The following MAPKAP1 variants were observed in gnomAD, a reference collection of about 807,000 sequenced individuals.
MAPKAP1 encodes MAPK associated protein 1.
A neutral mutation model predicts 65.7 loss-of-function variants in MAPKAP1; 20 were observed. The ratio of observed to expected loss-of-function variants is 0.30; its 90% CI spans 0.21 to 0.44. The LOEUF is 0.44. Among genes scored for constraint, MAPKAP1 ranks in the 20% least tolerant of loss-of-function variants. The pLI is 1.00. For synonymous variants in MAPKAP1, 222 were observed against 244.3 expected (o/e 0.91, Z 0.85); for missense variants, 423 against 648.0 (o/e 0.65, Z 3.77).
chr9:125,615,331 A>C lies in MAPKAP1; in HGVS notation c.499-29604T>G, dbSNP rs562499882. ...TGCCAATTCTCCCAAATTGATCTAC[A>C]AATTTAATCCAACTCTAATCAAAAT... On this transcript the variant is annotated intron_variant, in intron 4 of 11. Transcript: ENST00000265960. 1.1e-4 allele frequency among the ~76,000 whole-genome samples: 17 copies of C among 152,262 alleles called. No individual in the cohort carries two copies. The South Asian group carries it at 3.5e-3, about 32-fold the overall frequency.
intron 7 of MAPKAP1, among the ~76,000 whole-genome samples, chr9:125,542,563 C>T (rs1830285108): frequency 6.6e-6 from 1 of 152,054 alleles, no homozygotes; most frequent in Admixed American, 6.5e-5. Context: ...GTTATTAGTG[C>T]ACATCAAGTG....
At chr9:125,529,824 A>G (rs1829883877) in intron 7 of MAPKAP1, among the ~76,000 whole-genome samples, 1 of 152,160 alleles carries the variant, frequency 6.6e-6, no homozygotes, top group Non-Finnish European at 1.5e-5. Flanking sequence ...ATCCAATGCC[A>G]TTTTCCTGAT....
chr9:125,642,438 A>G (rs1435228727), intron 4 of MAPKAP1, among the ~76,000 whole-genome samples: 1 of 152,188 alleles, frequency 6.6e-6, no homozygotes, highest in East Asian at 1.9e-4. Flanking sequence ...CAGAGTATGG[A>G]CAAAGCTGAC....
At chr9:125,680,174 G>T (rs1485827821) in intron 1 of MAPKAP1, among the ~76,000 whole-genome samples, 1 of 151,622 alleles carries the variant, frequency 6.6e-6, no homozygotes, top group Non-Finnish European at 1.5e-5. Context: ...TCCTGTACAG[G>T]AGTCCTTAAA....
intron 10 of MAPKAP1, among the ~76,000 whole-genome samples, chr9:125,465,772 A>G (rs1473061351): frequency 6.6e-6 from 1 of 152,230 alleles, no homozygotes; most frequent in East Asian, 1.9e-4. Flanking sequence ...ACAAAGGGGT[A>G]TTCCTAGAGG....
At chr9:125,667,438 GCCT>G (rs1834372003) in intron 3 of MAPKAP1, among the ~76,000 whole-genome samples, 1 of 152,080 alleles carries the variant, frequency 6.6e-6, no homozygotes, top group Non-Finnish European at 1.5e-5. Flanking sequence ...TCATGCCTCC[GCCT>G]CCTGAGTAGC....
intron 5 of MAPKAP1, chr9:125,567,521 T>C (rs1831096326): frequency 2.0e-5 from 3 of 152,244 alleles, no homozygotes; most frequent in Admixed American, 1.3e-4. Context: ...AATAATCCAC[T>C]GTTGTTTAGC....
chr9:125,603,989 G>A (rs540121736), intron 4 of MAPKAP1, among the ~76,000 whole-genome samples: 5 of 152,222 alleles, frequency 3.3e-5, no homozygotes, highest in Admixed American at 2.0e-4. Context: ...GAAATATAAT[G>A]CTGTTACCAA....
intron 4 of MAPKAP1, among the ~76,000 whole-genome samples, chr9:125,602,965 G>A (rs942146087): frequency 6.6e-6 from 1 of 152,058 alleles, no homozygotes; most frequent in African/African-American, 2.4e-5. Context: ...TGTAAACATG[G>A]CTCACTGCAT....
At chr9:125,593,880 A>ATGGC (rs1231849325) in intron 4 of MAPKAP1, among the ~76,000 whole-genome samples, 1 of 152,244 alleles carries the variant, frequency 6.6e-6, no homozygotes, top group Non-Finnish European at 1.5e-5. Flanking sequence ...CCCTGACCTG[A>ATGGC]TGGCTTTGCA....
chr9:125,471,601 A>G (rs1589219607), intron 9 of MAPKAP1: 1 of 152,140 alleles, frequency 6.6e-6, no homozygotes, highest in African/African-American at 2.4e-5. Context: ...GTTGAGTAGT[A>G]CCCCACTTGT....
At chr9:125,684,049 C>A (rs188647799) in intron 1 of MAPKAP1, among the ~76,000 whole-genome samples, 1 of 152,260 alleles carries the variant, frequency 6.6e-6, no homozygotes, top group Admixed American at 6.5e-5. Flanking sequence ...CAGAGTCCAA[C>A]CTATTTTAAT....
At chr9:125,510,070 C>T (rs1323063245) in intron 7 of MAPKAP1, among the ~76,000 whole-genome samples, 1 of 152,188 alleles carries the variant, frequency 6.6e-6, no homozygotes, top group African/African-American at 2.4e-5. Context: ...TGCTATATAC[C>T]TTACCTTATT....
At chr9:125,468,774 G>A (rs1340267331) in intron 9 of MAPKAP1, among the ~76,000 whole-genome samples, 3 of 152,214 alleles carry the variant, frequency 2.0e-5, no homozygotes, top group South Asian at 2.1e-4. Flanking sequence ...TGCTGAGGGC[G>A]AGACTCGGCA....
At chr9:125,700,285 T>C (rs1372628856) in intron 1 of MAPKAP1, among the ~76,000 whole-genome samples, 1 of 152,244 alleles carries the variant, frequency 6.6e-6, no homozygotes, top group Non-Finnish European at 1.5e-5. Context: ...ATGGTACTTA[T>C]TTATAACACA....
intron 1 of MAPKAP1, among the ~76,000 whole-genome samples, chr9:125,702,256 C>T (rs1835622127): frequency 6.6e-6 from 1 of 151,992 alleles, no homozygotes; most frequent in Non-Finnish European, 1.5e-5. Context: ...AAAATTAGGC[C>T]GGGCGCAGTG....
chr9:125,661,336 G>A (rs889163356), intron 3 of MAPKAP1, among the ~76,000 whole-genome samples: 10 of 152,034 alleles, frequency 6.6e-5, no homozygotes, highest in Admixed American at 5.9e-4. Context: ...TAGATACACT[G>A]GTAAAACAAA....
intron 10 of MAPKAP1, among the ~76,000 whole-genome samples, chr9:125,458,925 C>T (rs1298714310): frequency 1.8e-5 from 1 of 56,224 alleles, no homozygotes; most frequent in Non-Finnish European, 3.3e-5. Flanking sequence ...GACCCCCCCA[C>T]CTCCCTCCCG....
intron 4 of MAPKAP1, among the ~76,000 whole-genome samples, chr9:125,608,621 CAGCACCTG>C (rs1187121331): frequency 6.6e-6 from 1 of 152,242 alleles, no homozygotes; most frequent in African/African-American, 2.4e-5. Flanking sequence ...GCTCTCCAGA[CAGCACCTG>C]ATAAAGCATC....
Sources: allele counts gnomAD v4.1 joint callset (sites outside exome capture counted in the v4.1 genomes callset), GRCh38; gene constraint gnomAD v4.1.1; transcripts MANE v1.5; gene names NCBI Gene and HGNC (gene_info 2026-07-23, HGNC 2026-07-21).